The following AKAP12 variants were observed in gnomAD, a reference collection of about 807,000 sequenced individuals.
AKAP12 encodes A-kinase anchor protein 12.
A neutral mutation model predicts 79.9 loss-of-function variants in AKAP12; 32 were observed. The ratio of observed to expected loss-of-function variants is 0.40; its 90% CI spans 0.30 to 0.54. The LOEUF is 0.54. Ranked by LOEUF, AKAP12 falls within the 20% of genes least tolerant of loss-of-function variation. The probability of loss-of-function intolerance (pLI) is 0.48; values close to 1 mark genes in which losing one functional copy is unlikely to be tolerated. For missense variants in AKAP12, 2,074 were observed against 2,177.0 expected, an observed-to-expected ratio of 0.95 and a Z score of 0.94; for synonymous variants, 808 against 857.0, an observed-to-expected ratio of 0.94 and a Z score of 1.00.
rs1051078495 is a variant in AKAP12 at position 151,319,539 on chromosome 6, T to G, written c.319+13636T>G. 9.0e-5 allele frequency: 7 copies of G among 78,030 alleles called. No homozygotes were observed. In the East Asian group the frequency reaches 3.4e-3, roughly 38 times the overall value. 4.8% of individuals were successfully genotyped at this position (78,030 alleles called of 1,614,324 possible). ...ATATCTCTATATAGATATATATATA[T>G]AGATATAGATATATATATCTATATA... On this transcript the variant is annotated intron_variant, in intron 3 of 4. Coordinates refer to ENST00000402676, the MANE Select transcript of AKAP12 (RefSeq NM_005100.4).
At chr6:151,300,502 C>T (rs1237245567) in intron 2 of AKAP12, among the ~76,000 whole-genome samples, 1 of 152,144 alleles carries the variant, frequency 6.6e-6, no homozygotes, top group African/African-American at 2.4e-5. Context: ...GTCAAGGGCT[C>T]ATCATTTCAC....
intron 2 of AKAP12, among the ~76,000 whole-genome samples, chr6:151,305,169 GTTTTTT>G (rs869087478): frequency 7.3e-6 from 1 of 136,938 alleles, no homozygotes; most frequent in African/African-American, 2.6e-5. Context: ...AGTCAGGGCT[GTTTTTT>G]TTTTTTTTTT....
intron 2 of AKAP12, among the ~76,000 whole-genome samples, chr6:151,251,883 C>G (rs10457872): frequency 0.5 from 76,181 of 151,892 alleles, 20,328 homozygotes; most frequent in Admixed American, 0.61. Flanking sequence ...TGTAGTCCCA[C>G]CTACCTGGGA....
chr6:151,267,058 CAA>C (rs1178407611), intron 2 of AKAP12, among the ~76,000 whole-genome samples: 1 of 127,632 alleles, frequency 7.8e-6, no homozygotes, highest in Non-Finnish European at 1.7e-5. Context: ...ATGAAAATCA[CAA>C]AGTGTTGGAA....
chr6:151,326,283 C>A lies in AKAP12; in HGVS notation c.319+20380C>A, dbSNP rs868309655. Among the ~76,000 whole-genome samples, 5 of 152,096 alleles carry A rather than the reference C, an allele frequency of 3.3e-5. No individual in the cohort carries two copies. In the South Asian group the frequency reaches 8.3e-4, roughly 25 times the overall value. Reference sequence around the variant, plus strand: ...TAAGCTGTGAAAGCTTAATCTCTTGCCGTAGTCATAGACAGAATACATTCC... The same window carrying A: ...TAAGCTGTGAAAGCTTAATCTCTTGACGTAGTCATAGACAGAATACATTCC... On this transcript the variant is annotated intron_variant, in intron 3 of 4. Transcript: ENST00000402676.
intron 3 of AKAP12, chr6:151,325,748 C>G: frequency 1.3e-6 from 2 of 1,578,326 alleles, no homozygotes; most frequent in Non-Finnish European, 1.7e-6. Context: ...GGCGCTCAGT[C>G]CGCTCTGATC....
chr6:151,277,709 G>GT (rs1189018810), intron 2 of AKAP12, among the ~76,000 whole-genome samples: 1 of 152,008 alleles, frequency 6.6e-6, no homozygotes, highest in East Asian at 1.9e-4. Flanking sequence ...TTTTTATTTA[G>GT]TTTTTTCTTT....
intron 3 of AKAP12, among the ~76,000 whole-genome samples, chr6:151,337,708 G>T (rs1381197764): frequency 6.6e-6 from 1 of 151,806 alleles, no homozygotes; most frequent in South Asian, 2.1e-4. Flanking sequence ...ATCAGTCCAC[G>T]GGTTTCTGTT....
At chr6:151,325,873 A>G (rs1777511063) in intron 3 of AKAP12, 1 of 1,614,212 alleles carries the variant, frequency 6.2e-7, no homozygotes, top group Non-Finnish European at 8.5e-7. Context: ...GCTGGGGACC[A>G]TCACCATCAC....
intron 3 of AKAP12, chr6:151,324,510 C>A (rs539352294): frequency 3.0e-6 from 3 of 985,440 alleles, no homozygotes; most frequent in Admixed American, 1.2e-4. Context: ...GCCCACCCTT[C>A]TCTTTGCTGT....
rs141954895 is a variant in AKAP12, at chr6:151,250,557, T to A, written c.162+9833T>A. Among the ~76,000 whole-genome samples, 809 of 152,056 alleles carry A rather than the reference T, an allele frequency of 5.3e-3. 7 individuals carry two copies. Among genetic ancestry groups the A allele is most frequent in the African/African-American group, 0.019 (769 of 41,476 alleles). On this transcript the variant is annotated intron_variant, in intron 2 of 4. Coordinates refer to ENST00000402676, the MANE Select transcript of AKAP12 (RefSeq NM_005100.4). ...ATGGGAATCGTGTGTTCTTTTAAGC[T>A]TAGCTTGTTTTCTTGGTATGTAATA...
In AKAP12 at chr6:151,352,000, T is replaced by C; in HGVS notation, c.3609T>C (p.Gly1203=). The part of the protein sequence containing the change: ...EIHEENEVAS[G]TQSGGTEAEA... Reference sequence around the variant, plus strand: ...ATGAGGAGAATGAGGTCGCATCTGGTACCCAGTCAGGGGGCACAGAAGCAG... The same window carrying C: ...ATGAGGAGAATGAGGTCGCATCTGGCACCCAGTCAGGGGGCACAGAAGCAG... Residue 1203 remains glycine (G), a synonymous_variant, in exon 4 of 5, where the codon GGT becomes GGC. Transcript: ENST00000402676. This position sits in a 1 kb window ranked among gnomAD's most constrained non-coding sequence, Gnocchi z 4.4. 6.2e-7 allele frequency: 1 copy of C among 1,614,022 alleles called. No individual in the cohort carries two copies.
rs191434992 is a variant in AKAP12, at chr6:151,296,512, C to T, written c.163-9235C>T. Among the ~76,000 whole-genome samples the T allele has an allele frequency of 2.2e-3, 331 of 152,330 alleles. 2 individuals carry two copies. Among genetic ancestry groups the T allele is most frequent in the African/African-American group, 7.7e-3 (318 of 41,568 alleles). ...ATCACATCAGCCAGGTGCGGTGGCT[C>T]ATGCCTGAAATCCCAACACCTTAGG... is the stretch of plus-strand genomic sequence containing the variant. On this transcript the variant is annotated intron_variant, in intron 2 of 4. Transcript: ENST00000402676.
At chr6:151,354,898 C>T (rs1005281470) in intron 4 of AKAP12, among the ~76,000 whole-genome samples, 1 of 152,050 alleles carries the variant, frequency 6.6e-6, no homozygotes, top group African/African-American at 2.4e-5. Flanking sequence ...CCAGGCTGGT[C>T]TCAAACTCCT....
intron 2 of AKAP12, among the ~76,000 whole-genome samples, chr6:151,299,405 A>G (rs990308992): frequency 6.6e-6 from 1 of 152,146 alleles, no homozygotes; most frequent in African/African-American, 2.4e-5. Context: ...TGTTCTCCCA[A>G]TTTCCCTCTA....
At position 151,351,764 on chromosome 6, in the gene AKAP12, C is replaced by G. The variant is rs1377505095; in HGVS notation, c.3373C>G (p.Gln1125Glu). ...CCCAGAAAGCTTTGAAAAAGCTCCT[C>G]AAGTCACAGAGAGCATAGAGTCCAG... is the stretch of plus-strand genomic sequence containing the variant. ...TTPESFEKAPQVTESIESSEL... is the reference protein window; with the variant it reads ...TTPESFEKAPEVTESIESSEL... The change falls in exon 4 of 5, where the codon CAA (glutamine) becomes GAA (glutamate). Residue 1125 changes from glutamine to glutamate, a missense_variant. Transcript: ENST00000402676. This position sits in a 1 kb window ranked among gnomAD's most constrained non-coding sequence, Gnocchi z 4.4. 1.9e-6 allele frequency: 3 copies of G among 1,614,022 alleles called. No homozygotes were observed. Among genetic ancestry groups the G allele is most frequent in the East Asian group, 2.2e-5 (1 of 44,890 alleles).
intron 2 of AKAP12, among the ~76,000 whole-genome samples, chr6:151,298,379 A>T (rs1278484121): frequency 6.6e-6 from 1 of 152,218 alleles, no homozygotes; most frequent in Non-Finnish European, 1.5e-5. Flanking sequence ...GTAATTCCCA[A>T]GACCACAATT....
intron 2 of AKAP12, among the ~76,000 whole-genome samples, chr6:151,254,293 T>C (rs1056607114): frequency 2.0e-5 from 3 of 152,202 alleles, no homozygotes; most frequent in African/African-American, 7.2e-5. Context: ...TGATTTATTT[T>C]CTTTGTAAAA....
chr6:151,333,770 C>T (rs1248473809), intron 3 of AKAP12, among the ~76,000 whole-genome samples: 1 of 150,654 alleles, frequency 6.6e-6, no homozygotes, highest in Non-Finnish European at 1.5e-5. Context: ...AAGGTTTCTG[C>T]TCACCACAAA....
Sources: allele counts gnomAD v4.1 joint callset (sites outside exome capture counted in the v4.1 genomes callset), GRCh38; gene constraint gnomAD v4.1.1; non-coding constraint Gnocchi (gnomAD v3.1); transcripts MANE v1.5; gene names NCBI Gene and HGNC (gene_info 2026-07-23, HGNC 2026-07-21).